Variants in WDFY4 observed in about 807,000 individuals in gnomAD.
WDFY4 encodes WD repeat- and FYVE domain-containing protein 4.
In WDFY4, 169 loss-of-function variants were observed where a neutral mutation model predicts 351.9. The ratio of observed to expected loss-of-function variants is 0.48; its 90% CI spans 0.42 to 0.55. WDFY4 has a LOEUF of 0.55. Ranked by LOEUF, WDFY4 falls within the 20% of genes least tolerant of loss-of-function variation. The pLI is 0.00. For synonymous variants in WDFY4, 1,622 were observed against 1,574.6 expected (o/e 1.03, Z -0.71); for missense variants, 3,803 against 3,935.6 (o/e 0.97, Z 0.90).
chr10:48,791,091 G>T (rs1565203535), intron 23 of WDFY4, among the ~76,000 whole-genome samples, 174 bp downstream of exon 23: 1 of 152,342 alleles, frequency 6.6e-6, no homozygotes, highest in East Asian at 1.9e-4. Flanking sequence ...GGAGGGGCAG[G>T]CGACAGCCAG....
intron 53 of WDFY4, among the ~76,000 whole-genome samples, chr10:48,961,646 C>A (rs985661468): frequency 6.6e-6 from 1 of 151,952 alleles, no homozygotes; most frequent in Non-Finnish European, 1.5e-5. Context: ...CTTAAGGAAC[C>A]GAGAGGCCAG....
intron 18 of WDFY4, among the ~76,000 whole-genome samples, chr10:48,779,287 C>T (rs545778440): frequency 4.6e-5 from 7 of 152,370 alleles, no homozygotes; most frequent in African/African-American, 1.7e-4. Context: ...CTGGCCCATG[C>T]TTGGCATGGC....
chr10:48,759,193 C>T (rs1323206844), intron 12 of WDFY4, among the ~76,000 whole-genome samples: 1 of 152,166 alleles, frequency 6.6e-6, no homozygotes, highest in Non-Finnish European at 1.5e-5. Context: ...CATGCAGTAA[C>T]TGGTTGTGTG....
chr10:48,723,319 A>C (rs771713127), intron 4 of WDFY4, 114 bp from the exon 5 acceptor site: 5 of 1,333,678 alleles, frequency 3.7e-6, no homozygotes, highest in Non-Finnish European at 5.0e-6. Flanking sequence ...ACTGGAGCCC[A>C]GAGGGACTGT....
chr10:48,915,456 G>A (rs1838432269), intron 47 of WDFY4, among the ~76,000 whole-genome samples: 1 of 151,710 alleles, frequency 6.6e-6, no homozygotes, highest in Non-Finnish European at 1.5e-5. Flanking sequence ...CCAGGCAGAA[G>A]TATGCCCTTG....
At chr10:48,911,663 A>G (rs1838015519) in intron 47 of WDFY4, among the ~76,000 whole-genome samples, 1 of 152,232 alleles carries the variant, frequency 6.6e-6, no homozygotes, top group South Asian at 2.1e-4. Context: ...AATTTTAACT[A>G]TGTATAAAAA....
chr10:48,806,120 A>G, intron 27 of WDFY4, 25 bp downstream of exon 27: 1 of 1,550,090 alleles, frequency 6.5e-7, no homozygotes, highest in Non-Finnish European at 8.7e-7. Context: ...GCCAGTTCGA[A>G]GGCAGTAGGA....
intron 1 of WDFY4, among the ~76,000 whole-genome samples, chr10:48,692,111 A>G (rs1313549861): frequency 3.3e-5 from 5 of 152,240 alleles, no homozygotes; most frequent in East Asian, 1.9e-4. Flanking sequence ...TGCATGTCCA[A>G]TGTATGCATA....
At chr10:48,835,265 C>T (rs1373444347) in intron 39 of WDFY4, among the ~76,000 whole-genome samples, 2 of 151,998 alleles carry the variant, frequency 1.3e-5, no homozygotes, top group Admixed American at 6.6e-5. Flanking sequence ...CAGGGTAAGG[C>T]AGGGAGGGGG....
chr10:48,895,784 G>T (rs540128461), intron 44 of WDFY4, among the ~76,000 whole-genome samples: 4 of 152,050 alleles, frequency 2.6e-5, no homozygotes, highest in Non-Finnish European at 5.9e-5. Context: ...GGGAGGAGGG[G>T]TCACTCTGAG....
At chr10:48,930,687 G>T (rs539410007) in intron 47 of WDFY4, among the ~76,000 whole-genome samples, 1 of 151,852 alleles carries the variant, frequency 6.6e-6, no homozygotes, top group South Asian at 2.1e-4. Context: ...ATTTAAAATA[G>T]TAAAAAAAAA....
intron 49 of WDFY4, among the ~76,000 whole-genome samples, 183 bp downstream of exon 49, chr10:48,943,632 G>A (rs1044914638): frequency 7.9e-5 from 12 of 151,428 alleles, no homozygotes; most frequent in East Asian, 1.9e-4. Context: ...TTACTTCATC[G>A]CCCAGGCTGG....
intron 47 of WDFY4, among the ~76,000 whole-genome samples, chr10:48,924,915 A>T (rs1321431523): frequency 2.0e-5 from 3 of 152,216 alleles, no homozygotes; most frequent in African/African-American, 7.2e-5. Flanking sequence ...ACATCCCTAA[A>T]TAGCTTGCTA....
intron 55 of WDFY4, chr10:48,968,782 C>T: frequency 2.3e-6 from 1 of 443,594 alleles, no homozygotes; most frequent in Non-Finnish European, 4.2e-6. Flanking sequence ...CCAGCTGGGG[C>T]TGGGGGTGGC....
intron 29 of WDFY4, 104 bp downstream of exon 29, chr10:48,810,839 G>C: frequency 8.1e-7 from 1 of 1,230,506 alleles, no homozygotes. Context: ...ACAGCTCTGT[G>C]CAGCAGGATC....
intron 12 of WDFY4, among the ~76,000 whole-genome samples, chr10:48,749,809 C>T (rs956884443): frequency 5.9e-5 from 9 of 152,118 alleles, no homozygotes; most frequent in African/African-American, 2.2e-4. Flanking sequence ...GAGAAAAGCC[C>T]CCTCCAAAGC....
At chr10:48,747,791 T>C (rs1015681339) in intron 12 of WDFY4, among the ~76,000 whole-genome samples, 8 of 152,244 alleles carry the variant, frequency 5.3e-5, no homozygotes, top group Non-Finnish European at 7.3e-5. Context: ...TATTTCTTCT[T>C]GTGTTTTTTG....
intron 14 of WDFY4, 150 bp from the exon 15 acceptor site, chr10:48,775,562 C>G (rs748362760): frequency 4.6e-5 from 33 of 710,162 alleles, no homozygotes; most frequent in Non-Finnish European, 7.9e-5. Flanking sequence ...GCAGAGACAC[C>G]CTGTCTCCAC....
intron 24 of WDFY4, among the ~76,000 whole-genome samples, chr10:48,799,132 C>T (rs2066971440): frequency 6.6e-6 from 1 of 152,208 alleles, no homozygotes; most frequent in African/African-American, 2.4e-5. Context: ...CATCATGCTC[C>T]ATTGCCTGCT....
Sources: gnomAD v4.1 joint callset for allele counts (sites outside exome capture counted in the v4.1 genomes callset) on GRCh38, gnomAD v4.1.1 for gene constraint, MANE v1.5 for transcripts, NCBI Gene and HGNC (gene_info 2026-07-23, HGNC 2026-07-21) for gene names.